LPIN2: variants seen among roughly 807,000 people sequenced by gnomAD.
LPIN2 encodes the protein phosphatidate phosphatase LPIN2.
Under a neutral mutation model 111.4 loss-of-function variants are expected in LPIN2, and 55 were observed. That is an observed-to-expected ratio of 0.49 (90% CI 0.40 to 0.62). LPIN2 has a LOEUF of 0.62. LPIN2 is among the 20% of genes least tolerant of loss of function. The pLI is 0.00. For synonymous variants in LPIN2, 425 were observed against 414.0 expected (o/e 1.03, Z -0.32); for missense variants, 992 against 1,112.1 (o/e 0.89, Z 1.54).
At chr18:2,984,071 C>A (rs1300654943) in intron 1 of LPIN2, among the ~76,000 whole-genome samples, 1 of 152,194 alleles carries the variant, frequency 6.6e-6, no homozygotes, top group Non-Finnish European at 1.5e-5. Flanking sequence ...TTCTCTGCAT[C>A]TAAACTTCAC....
At position 2,939,486 on chromosome 18, in the gene LPIN2, G is replaced by A. The variant is rs1367868489; in HGVS notation, c.816C>T (p.Ser272=). 3 of 1,613,810 alleles carry A rather than the reference G, an allele frequency of 1.9e-6. No homozygotes were observed. In the South Asian group the frequency reaches 3.3e-5, roughly 18 times the overall value. The change falls in exon 6 of 20, where the codon TCC becomes TCT. Residue 272 remains serine (S), a synonymous_variant. Transcript: ENST00000677752. The stretch of plus-strand genomic sequence containing the variant: ...GGCAAGTAAACCCTAGTACCTTGGT[G>A]GACTCTGGGAATCCGCCCCACGTCC... ...MEWTWGGFPE[S]TKVSKRERSD...
In LPIN2 at chr18:2,925,309, G is replaced by T; in HGVS notation, c.1853C>A (p.Thr618Lys). ...EGSQELEESI[T>K]VDPIPTEPLS... is the part of the protein sequence containing the mutation. ...GGGCTCTGTGGGGATGGGGTCCACT[G>T]TGATGGATTCTTCGAGCTCCTGTGA... The change falls in exon 14 of 20, where the codon ACA becomes AAA. Residue 618 changes from threonine to lysine, a missense_variant. By Grantham distance (78) the Thr-to-Lys change is moderately conservative. Coordinates refer to ENST00000677752, the MANE Select transcript of LPIN2 (RefSeq NM_001375808.2). The surrounding 1 kb of genome is among the most constrained non-coding windows in gnomAD (Gnocchi z 4.1). The T allele has an allele frequency of 6.2e-7, 1 of 1,614,164 alleles. No homozygotes were observed. The highest frequency in any genetic ancestry group is 8.5e-7 in the Non-Finnish European group (1 of 1,180,002).
At chr18:3,010,702 G>A (rs1292532490) in intron 1 of LPIN2, among the ~76,000 whole-genome samples, 4 of 152,064 alleles carry the variant, frequency 2.6e-5, no homozygotes, top group Non-Finnish European at 5.9e-5. Context: ...AAGCACCTAC[G>A]GGAGATAACC....
At chr18:2,994,734 T>G (rs1423124856) in intron 1 of LPIN2, among the ~76,000 whole-genome samples, 1 of 152,140 alleles carries the variant, frequency 6.6e-6, no homozygotes, top group African/African-American at 2.4e-5. Flanking sequence ...CAGATGCCAG[T>G]AGCACCCTCC....
chr18:2,943,729 G>T (rs569486246), intron 4 of LPIN2, among the ~76,000 whole-genome samples: 2 of 152,150 alleles, frequency 1.3e-5, no homozygotes, highest in Non-Finnish European at 2.9e-5. Context: ...CCCAGTATCA[G>T]ATGTTTATGT....
chr18:2,939,962 T>C (rs1020421106), intron 5 of LPIN2, among the ~76,000 whole-genome samples: 2 of 152,340 alleles, frequency 1.3e-5, no homozygotes, highest in South Asian at 2.1e-4. Context: ...TAAACAGTTA[T>C]GACTATACTT....
intron 1 of LPIN2, among the ~76,000 whole-genome samples, chr18:3,001,355 T>C (rs565212744): frequency 1.3e-5 from 2 of 152,274 alleles, no homozygotes; most frequent in East Asian, 1.9e-4. Flanking sequence ...AATTTGTGAC[T>C]GGTACTAAGA....
At chr18:2,982,412 G>GA (rs144362294) in intron 1 of LPIN2, among the ~76,000 whole-genome samples, 3,210 of 151,404 alleles carry the variant, frequency 0.021, 123 homozygotes, top group African/African-American at 0.073. Flanking sequence ...TTTTTCCTAG[G>GA]AAAAAAAAGT....
At chr18:2,945,616 A>G (rs2077439143) in intron 4 of LPIN2, 5 of 1,528,182 alleles carry the variant, frequency 3.3e-6, no homozygotes, top group Non-Finnish European at 4.5e-6. Context: ...TGCCCACTGC[A>G]TCGGTTCAGC....
intron 1 of LPIN2, among the ~76,000 whole-genome samples, chr18:2,970,796 G>A (rs1210682527): frequency 6.6e-6 from 1 of 152,198 alleles, no homozygotes; most frequent in African/African-American, 2.4e-5. Context: ...CTTAAGCTTA[G>A]TTCTCAGGGC....
In LPIN2 at chr18:2,961,521, G is replaced by C. The variant is rs147002836; in HGVS notation, c.-9-672C>G. 6.6e-3 allele frequency among the ~76,000 whole-genome samples: 1,011 copies of C among 152,216 alleles called. 13 individuals are homozygous for C. Among genetic ancestry groups the C allele is most frequent in the African/African-American group, 0.022 (928 of 41,534 alleles). ...TCTACAAAGTTCAAAGCACAGAAAA[G>C]GGTTTTACTCTTGTTCCTCAACCTC... On this transcript the variant is annotated intron_variant, in intron 1 of 19. Coordinates refer to ENST00000677752, the MANE Select transcript of LPIN2 (RefSeq NM_001375808.2).
chr18:2,951,458 A>G (rs966373948), intron 3 of LPIN2, 102 bp from the exon 4 acceptor site: 5 of 1,008,922 alleles, frequency 5.0e-6, no homozygotes. Flanking sequence ...GTAAAAAAAA[A>G]AAAAATACAT....
At chr18:2,983,457 T>C (rs900753934) in intron 1 of LPIN2, among the ~76,000 whole-genome samples, 4 of 152,250 alleles carry the variant, frequency 2.6e-5, no homozygotes, top group Admixed American at 6.5e-5. Context: ...AGTCAAAACA[T>C]AGTAATTTTA....
At chr18:2,921,252 T>A in intron 18 of LPIN2, 1 of 565,150 alleles carries the variant, frequency 1.8e-6, no homozygotes, top group Non-Finnish European at 3.2e-6. Context: ...AGCTCAGAAC[T>A]GCTTAGAAGA....
chr18:2,953,226 G>A (rs1490368940), intron 3 of LPIN2, among the ~76,000 whole-genome samples: 1 of 152,174 alleles, frequency 6.6e-6, no homozygotes, highest in Admixed American at 6.5e-5. Flanking sequence ...ATTTTTAGCG[G>A]AACTGTCAGA....
At position 2,934,072 on chromosome 18, in the gene LPIN2, C is replaced by T. The variant is rs138282284; in HGVS notation, c.1268+279G>A. Among the ~76,000 whole-genome samples the T allele has an allele frequency of 9.8e-5, 15 of 152,298 alleles. No individual in the cohort carries two copies. In the East Asian group the frequency reaches 2.5e-3, roughly 25 times the overall value. The stretch of plus-strand genomic sequence containing the variant: ...CATGTTGAGTTTGTATTAACCACTA[C>T]AGGAAATGCTAATCAGAAGTCATAT... On this transcript the variant is annotated intron_variant, in intron 8 of 19. Coordinates refer to ENST00000677752, the MANE Select transcript of LPIN2 (RefSeq NM_001375808.2).
chr18:2,928,737 A>G (rs1188516405), intron 10 of LPIN2, 77 bp from the exon 11 acceptor site: 5 of 971,700 alleles, frequency 5.1e-6, no homozygotes, highest in African/African-American at 4.8e-5. Context: ...TCAGGGAGGG[A>G]GGGAGGAGGG....
chr18:2,999,773 A>G (rs545503421), intron 1 of LPIN2, among the ~76,000 whole-genome samples: 2 of 152,232 alleles, frequency 1.3e-5, no homozygotes, highest in Non-Finnish European at 2.9e-5. Context: ...ATAAAAATAA[A>G]CATCCAAGAA....
At chr18:2,921,013 T>C (rs576103915) in intron 18 of LPIN2, 132 bp from the exon 19 acceptor site, 1 of 723,426 alleles carries the variant, frequency 1.4e-6, no homozygotes, top group Admixed American at 2.0e-5. Context: ...ACAGTGCAGT[T>C]GCCACCAAAA....
Sources: allele counts gnomAD v4.1 joint callset (sites outside exome capture counted in the v4.1 genomes callset), GRCh38; gene constraint gnomAD v4.1.1; non-coding constraint Gnocchi (gnomAD v3.1); transcripts MANE v1.5; gene names NCBI Gene and HGNC (gene_info 2026-07-23, HGNC 2026-07-21).